The following TTC39B variants were observed in gnomAD, a reference collection of about 807,000 sequenced individuals.
TTC39B encodes tetratricopeptide repeat protein 39B.
TTC39B carries 92 observed loss-of-function variants against 96.6 expected under a neutral mutation model. The observed-to-expected ratio is 0.95, with a 90% CI of 0.80 to 1.13. TTC39B has a LOEUF of 1.13. TTC39B is among the 50% of genes most tolerant of loss of function. The pLI is 0.00. For missense variants in TTC39B, 955 were observed against 809.3 expected (o/e 1.18, Z -2.18); for synonymous variants, 367 against 299.4 (o/e 1.23, Z -2.33).
Position 15,189,572 on chromosome 9 carries a change from A to G in TTC39B, c.1233+2T>C. 9.3e-6 allele frequency: 15 copies of G among 1,614,076 alleles called. No homozygotes were observed. Among genetic ancestry groups the G allele is most frequent in the Non-Finnish European group, 1.3e-5 (15 of 1,179,990 alleles). On this transcript the variant is annotated splice_donor_variant, in intron 13 of 19. Coordinates refer to ENST00000512701, the Ensembl canonical transcript of TTC39B. LOFTEE classifies it high-confidence loss of function. ...CCAAATAATTCCCACCTAATAAATT[A>G]CCTCTTCAAGATTCCCTTTCAGCAA...
chr9:15,239,418 T>A (rs777000260), intron 2 of TTC39B, among the ~76,000 whole-genome samples: 11 of 152,322 alleles, frequency 7.2e-5, no homozygotes, highest in Non-Finnish European at 1.2e-4. Context: ...CTGCCTGGTA[T>A]CTACCCAAAG....
intron 8 of TTC39B, among the ~76,000 whole-genome samples, chr9:15,199,651 C>T (rs888259722): frequency 1.0e-4 from 14 of 137,544 alleles, no homozygotes; most frequent in Admixed American, 8.4e-4. Flanking sequence ...AGGAGAATGG[C>T]GTGAACCTGA....
chr9:15,253,190 A>G (rs1196770198), intron 2 of TTC39B, among the ~76,000 whole-genome samples: 1 of 152,124 alleles, frequency 6.6e-6, no homozygotes, highest in Non-Finnish European at 1.5e-5. Flanking sequence ...GACAAAAGAG[A>G]CTTTATAGAT....
chr9:15,301,588 C>G (rs1824591834), intron 1 of TTC39B, among the ~76,000 whole-genome samples: 1 of 152,038 alleles, frequency 6.6e-6, no homozygotes, highest in Non-Finnish European at 1.5e-5. Flanking sequence ...AACCCCGTCT[C>G]TATTAAAAAT....
chr9:15,179,188 ATT>A (rs1818116557), intron 17 of TTC39B, among the ~76,000 whole-genome samples: 1 of 152,136 alleles, frequency 6.6e-6, no homozygotes, highest in South Asian at 2.1e-4. Context: ...CACTTTTGAA[ATT>A]TTTTTGCAAG....
chr9:15,277,920 C>T (rs1428688044), intron 1 of TTC39B, among the ~76,000 whole-genome samples: 1 of 152,154 alleles, frequency 6.6e-6, no homozygotes, highest in East Asian at 1.9e-4. Flanking sequence ...GCAGTTCACA[C>T]AATGATTCTT....
chr9:15,233,403 C>T (rs536109275), intron 2 of TTC39B, among the ~76,000 whole-genome samples: 7 of 152,266 alleles, frequency 4.6e-5, no homozygotes, highest in South Asian at 2.1e-4. Flanking sequence ...CCTCTGATGC[C>T]GAGCCGAAGC....
At chr9:15,278,596 A>G (rs7042800) in intron 1 of TTC39B, among the ~76,000 whole-genome samples, 23,126 of 152,190 alleles carry the variant, frequency 0.15, 3,189 homozygotes, top group African/African-American at 0.37. Flanking sequence ...TTTACCCAAA[A>G]CAAACAAAAA....
chr9:15,191,530 G>C (rs1303915705), intron 9 of TTC39B, among the ~76,000 whole-genome samples: 1 of 152,170 alleles, frequency 6.6e-6, no homozygotes, highest in Non-Finnish European at 1.5e-5. Context: ...GTGATGAAGT[G>C]ACAAGAAGGT....
intron 2 of TTC39B, among the ~76,000 whole-genome samples, chr9:15,233,190 G>A (rs1257017004): frequency 1.3e-5 from 2 of 152,120 alleles, no homozygotes; most frequent in African/African-American, 4.8e-5. Context: ...CCCACGCGAC[G>A]GCTAGGTCCT....
chr9:15,245,237 C>T (rs1822223122), intron 2 of TTC39B, among the ~76,000 whole-genome samples: 1 of 152,138 alleles, frequency 6.6e-6, no homozygotes, highest in Non-Finnish European at 1.5e-5. Flanking sequence ...GAAAAGTACC[C>T]ATGAATATTT....
Position 15,259,957 on chromosome 9 carries a change from A to G in TTC39B, c.275+7957T>C, listed in dbSNP as rs560774801. Among the ~76,000 whole-genome samples the G allele has an allele frequency of 1.2e-4, 19 of 152,336 alleles. No individual in the cohort carries two copies. In the South Asian group the frequency reaches 2.1e-3, roughly 17 times the overall value. ...CTAAGAGTGGGAATAGATAATGACT[A>G]TAAAAAGGCACAGATTTCTTTTTCA... On this transcript the variant is annotated intron_variant, in intron 2 of 19. Coordinates refer to ENST00000512701, the Ensembl canonical transcript of TTC39B.
At chr9:15,177,361 A>AAAAG (rs1817997132) in intron 18 of TTC39B, among the ~76,000 whole-genome samples, 1 of 152,124 alleles carries the variant, frequency 6.6e-6, no homozygotes, top group Admixed American at 6.6e-5. Flanking sequence ...GAAAAGAAAA[A>AAAAG]CTAAAGAAAT....
intron 1 of TTC39B, among the ~76,000 whole-genome samples, chr9:15,268,731 C>G (rs1183894621): frequency 1.3e-5 from 2 of 152,216 alleles, no homozygotes; most frequent in Non-Finnish European, 2.9e-5. Context: ...TTACCATAGC[C>G]CAAGCCACGA....
intron 3 of TTC39B, among the ~76,000 whole-genome samples, chr9:15,225,660 G>A (rs969952708): frequency 4.6e-5 from 7 of 152,034 alleles, no homozygotes; most frequent in African/African-American, 9.7e-5. Flanking sequence ...AGATAAAAGC[G>A]ACTTGAAAGG....
chr9:15,208,214 G>T (rs982202376), intron 6 of TTC39B, among the ~76,000 whole-genome samples: 5 of 151,276 alleles, frequency 3.3e-5, no homozygotes, highest in African/African-American at 1.2e-4. Context: ...TAGTAGAGAC[G>T]GGGTTTCACC....
intron 2 of TTC39B, among the ~76,000 whole-genome samples, chr9:15,260,608 C>T (rs934726756): frequency 7.1e-6 from 1 of 140,334 alleles, no homozygotes; most frequent in Non-Finnish European, 1.5e-5. Context: ...ACCAACTGAT[C>T]TAACCTAATG....
chr9:15,237,602 C>A (rs1821843445), intron 2 of TTC39B, among the ~76,000 whole-genome samples: 1 of 149,856 alleles, frequency 6.7e-6, no homozygotes, highest in Admixed American at 6.6e-5. Context: ...AAATCCCAAG[C>A]AGACCAATAA....
intron 2 of TTC39B, among the ~76,000 whole-genome samples, chr9:15,239,220 A>G (rs1209588659): frequency 6.6e-6 from 1 of 152,222 alleles, no homozygotes; most frequent in African/African-American, 2.4e-5. Flanking sequence ...ATGAGATATC[A>G]TCTTATACCA....
Sources: allele counts gnomAD v4.1 joint callset (sites outside exome capture counted in the v4.1 genomes callset), GRCh38; gene constraint gnomAD v4.1.1; transcripts MANE v1.5; gene names NCBI Gene and HGNC (gene_info 2026-07-23, HGNC 2026-07-21).